The following PDE10A variants were observed in gnomAD, a reference collection of about 807,000 sequenced individuals.
The protein encoded by PDE10A is cAMP and cAMP-inhibited cGMP 3',5'-cyclic phosphodiesterase 10A.
Under a neutral mutation model 97.7 loss-of-function variants are expected in PDE10A, and 39 were observed. That is an observed-to-expected ratio of 0.40 (90% CI 0.31 to 0.52). PDE10A has a LOEUF of 0.52. Among genes scored for constraint, PDE10A ranks in the 20% least tolerant of loss-of-function variants. The pLI is 0.56. For synonymous variants in PDE10A, 371 were observed against 376.8 expected (o/e 0.98, Z 0.18); for missense variants, 731 against 1,047.8 (o/e 0.70, Z 4.17).
Position 165,377,824 on chromosome 6 carries a change from C to A in PDE10A, c.2783+1370G>T, listed in dbSNP as rs537077876. 2.6e-5 allele frequency among the ~76,000 whole-genome samples: 4 copies of A among 152,316 alleles called. No individual in the cohort carries two copies. The South Asian group carries it at 8.3e-4, about 32-fold the overall frequency. On this transcript the variant is annotated intron_variant, in intron 18 of 21. Transcript: ENST00000539869. ...GGAGACATAAAGACTGTAGACCACACTTCTCATGTGGGCTGAAGGAAAAGA... is the reference window on the plus strand; with the variant it reads ...GGAGACATAAAGACTGTAGACCACAATTCTCATGTGGGCTGAAGGAAAAGA...
At chr6:165,368,540 A>C (rs911715270) in intron 18 of PDE10A, among the ~76,000 whole-genome samples, 2 of 152,242 alleles carry the variant, frequency 1.3e-5, no homozygotes, top group Non-Finnish European at 2.9e-5. Context: ...TTGAAAATTT[A>C]AAAAGGGTAT....
intron 1 of PDE10A, among the ~76,000 whole-genome samples, chr6:165,830,109 AT>A (rs2128470877): frequency 6.6e-6 from 1 of 152,348 alleles, no homozygotes; most frequent in South Asian, 2.1e-4. Flanking sequence ...CTTGCAAGCA[AT>A]TCTGGGGTCA....
At chr6:165,781,604 T>G (rs1289478582) in intron 1 of PDE10A, 2 of 152,230 alleles carry the variant, frequency 1.3e-5, no homozygotes, top group African/African-American at 4.8e-5. Flanking sequence ...TTGATTCACT[T>G]AGGGATCTAG....
intron 2 of PDE10A, among the ~76,000 whole-genome samples, chr6:165,538,661 A>T (rs1783242981): frequency 6.6e-6 from 1 of 152,146 alleles, no homozygotes; most frequent in African/African-American, 2.4e-5. Context: ...ATTAGGGGCC[A>T]AAAGGAGACA....
intron 1 of PDE10A, among the ~76,000 whole-genome samples, chr6:165,608,722 C>T (rs1172909038): frequency 3.3e-5 from 5 of 152,158 alleles, no homozygotes; most frequent in Non-Finnish European, 7.4e-5. Flanking sequence ...GTTTAAAGTC[C>T]CACCAACAGT....
chr6:165,794,645 TCACA>T (rs1384616623), intron 1 of PDE10A, among the ~76,000 whole-genome samples: 2 of 151,968 alleles, frequency 1.3e-5, no homozygotes, highest in African/African-American at 4.8e-5. Flanking sequence ...ACCCACACTC[TCACA>T]CACATTCACA....
intron 1 of PDE10A, among the ~76,000 whole-genome samples, chr6:165,742,920 CT>C (rs1440719593): frequency 3.9e-5 from 6 of 152,312 alleles, no homozygotes; most frequent in African/African-American, 1.4e-4. Flanking sequence ...GCACCCAGCA[CT>C]TGCAGCACTT....
chr6:165,621,820 G>C (rs1788153658), intron 1 of PDE10A, among the ~76,000 whole-genome samples: 1 of 151,872 alleles, frequency 6.6e-6, no homozygotes, highest in South Asian at 2.1e-4. Context: ...CCAAATCCTT[G>C]GAACAAAAGT....
intron 20 of PDE10A, among the ~76,000 whole-genome samples, chr6:165,337,990 T>G (rs1289668507): frequency 1.3e-5 from 2 of 152,172 alleles, no homozygotes; most frequent in Non-Finnish European, 2.9e-5. Context: ...AAATACAATA[T>G]GAAAAGCAGA....
chr6:165,524,210 ATC>A (rs1420759024), intron 2 of PDE10A, among the ~76,000 whole-genome samples: 2 of 152,108 alleles, frequency 1.3e-5, no homozygotes, highest in African/African-American at 4.8e-5. Context: ...ATGGATATAT[ATC>A]TCCTATTAGT....
chr6:165,656,042 T>C (rs1789939283), intron 1 of PDE10A, among the ~76,000 whole-genome samples: 1 of 152,080 alleles, frequency 6.6e-6, no homozygotes, highest in South Asian at 2.1e-4. Context: ...GTGCATTCGC[T>C]GTGCAGCTCT....
At chr6:165,689,760 C>T (rs868290590) in intron 1 of PDE10A, among the ~76,000 whole-genome samples, 1 of 152,166 alleles carries the variant, frequency 6.6e-6, no homozygotes, top group South Asian at 2.1e-4. Context: ...ACCTCTTACC[C>T]AGTCGTGGGT....
At chr6:165,639,562 A>T (rs1789030651) in intron 1 of PDE10A, among the ~76,000 whole-genome samples, 1 of 151,872 alleles carries the variant, frequency 6.6e-6, no homozygotes, top group Non-Finnish European at 1.5e-5. Flanking sequence ...ACATGGCAAA[A>T]TCCCATCTCT....
In PDE10A at chr6:165,339,422, T is replaced by C; in HGVS notation, c.2896-64A>G. On this transcript the variant is annotated intron_variant, in intron 19 of 21. Coordinates refer to ENST00000539869, the MANE Select transcript of PDE10A (RefSeq NM_001385079.1). ...TCAAATTGCTATACTATTTTGATAT[T>C]ATTGAATTATTCCCTTTATTCCTTA... is the stretch of plus-strand genomic sequence containing the variant. The C allele has an allele frequency of 1.0e-5, 10 of 965,130 alleles. No homozygotes were observed. In the South Asian group the frequency reaches 1.2e-4, roughly 11 times the overall value. The allele number at this position is 965,130 out of a possible 1,614,324, so 59.8% of individuals were successfully genotyped here.
At chr6:165,928,469 C>A (rs1016239802) in intron 1 of PDE10A, among the ~76,000 whole-genome samples, 2 of 152,188 alleles carry the variant, frequency 1.3e-5, no homozygotes, top group African/African-American at 4.8e-5. Flanking sequence ...CACTGTTTAA[C>A]CGCCAGGCAT....
chr6:165,618,391 C>A (rs1474650948), intron 1 of PDE10A, among the ~76,000 whole-genome samples: 3 of 152,142 alleles, frequency 2.0e-5, no homozygotes, highest in Non-Finnish European at 4.4e-5. Flanking sequence ...CAAACCGGCA[C>A]ATTCAATAAT....
chr6:165,490,578 G>A (rs970917278), intron 2 of PDE10A, among the ~76,000 whole-genome samples: 10 of 152,082 alleles, frequency 6.6e-5, no homozygotes, highest in Non-Finnish European at 1.2e-4. Context: ...ATAGCAGGGC[G>A]AATACAATAG....
At chr6:165,974,526 T>A (rs1196321264) in intron 1 of PDE10A, among the ~76,000 whole-genome samples, 1 of 152,156 alleles carries the variant, frequency 6.6e-6, no homozygotes, top group Non-Finnish European at 1.5e-5. Context: ...AAAGACATAG[T>A]GGAGAATGGG....
intron 1 of PDE10A, among the ~76,000 whole-genome samples, chr6:165,554,739 A>G (rs1784169675): frequency 6.6e-6 from 1 of 152,236 alleles, no homozygotes; most frequent in Non-Finnish European, 1.5e-5. Flanking sequence ...ATTGTTTACA[A>G]TAATAGCTAA....
Sources: gnomAD v4.1 joint callset for allele counts (sites outside exome capture counted in the v4.1 genomes callset) on GRCh38, gnomAD v4.1.1 for gene constraint, MANE v1.5 for transcripts, NCBI Gene and HGNC (gene_info 2026-07-23, HGNC 2026-07-21) for gene names.